The following DLG1 variants were observed in gnomAD, a reference collection of about 807,000 sequenced individuals.
DLG1 encodes disks large homolog 1.
A neutral mutation model predicts 123.4 loss-of-function variants in DLG1; 42 were observed. That is an observed-to-expected ratio of 0.34 (90% confidence interval 0.27 to 0.44). DLG1 has a LOEUF of 0.44. Among genes scored for constraint, DLG1 ranks in the 20% least tolerant of loss-of-function variants. The pLI, the probability that DLG1 is intolerant of heterozygous loss-of-function variation, is 1.00. For missense variants in DLG1, 942 were observed against 1,082.6 expected (o/e 0.87, Z 1.82); for synonymous variants, 317 against 356.2 (o/e 0.89, Z 1.24).
At chr3:197,241,901 A>G (rs1749081860) in intron 4 of DLG1, among the ~76,000 whole-genome samples, 1 of 152,152 alleles carries the variant, frequency 6.6e-6, no homozygotes, top group South Asian at 2.1e-4. Flanking sequence ...TCTTAACCAC[A>G]AGAAAGGAAG....
chr3:197,295,065 G>A (rs1206709751), intron 3 of DLG1, among the ~76,000 whole-genome samples: 3 of 151,976 alleles, frequency 2.0e-5, no homozygotes, highest in Non-Finnish European at 4.4e-5. Flanking sequence ...TCATCCATTC[G>A]GACCTTAAAC....
intron 11 of DLG1, among the ~76,000 whole-genome samples, chr3:197,127,884 T>C (rs968438179): frequency 6.2e-5 from 9 of 146,122 alleles, no homozygotes; most frequent in Admixed American, 1.4e-4. Flanking sequence ...AAATACAATG[T>C]ACAGGCCTTA....
intron 5 of DLG1, among the ~76,000 whole-genome samples, chr3:197,171,005 G>GT (rs1274253734): frequency 5.3e-5 from 8 of 152,110 alleles, no homozygotes; most frequent in South Asian, 2.1e-4. Flanking sequence ...ATCAACTGTC[G>GT]TGTCACTGTG....
At chr3:197,048,335 G>C (rs1724852435) in intron 24 of DLG1, among the ~76,000 whole-genome samples, 1 of 152,172 alleles carries the variant, frequency 6.6e-6, no homozygotes, top group Non-Finnish European at 1.5e-5. Flanking sequence ...GCCGGGTGTG[G>C]TGGCATGTGC....
intron 11 of DLG1, among the ~76,000 whole-genome samples, chr3:197,120,868 C>G (rs780659027): frequency 6.6e-6 from 1 of 152,290 alleles, no homozygotes; most frequent in Non-Finnish European, 1.5e-5. Flanking sequence ...AAAGGACTTT[C>G]TACCAATGGC....
At chr3:197,134,638 A>G (rs374411808) in intron 10 of DLG1, among the ~76,000 whole-genome samples, 1 of 152,196 alleles carries the variant, frequency 6.6e-6, no homozygotes, top group South Asian at 2.1e-4. Flanking sequence ...TGACTATTAT[A>G]CTACTTTCAT....
At chr3:197,117,112 A>G (rs1223530290) in intron 12 of DLG1, among the ~76,000 whole-genome samples, 1 of 152,202 alleles carries the variant, frequency 6.6e-6, no homozygotes, top group Non-Finnish European at 1.5e-5. Context: ...GTCACTAGGG[A>G]AAGAGATATA....
intron 3 of DLG1, among the ~76,000 whole-genome samples, chr3:197,293,725 T>C (rs186368556): frequency 1.2e-4 from 18 of 151,932 alleles, no homozygotes; most frequent in Non-Finnish European, 2.1e-4. Flanking sequence ...CCAAAGACAC[T>C]TGGCACCCCA....
chr3:197,174,783 T>C (rs1044515203), intron 5 of DLG1, among the ~76,000 whole-genome samples: 3 of 152,190 alleles, frequency 2.0e-5, no homozygotes, highest in Non-Finnish European at 2.9e-5. Flanking sequence ...CTCTTGAACG[T>C]GGCTGTTAAA....
intron 4 of DLG1, chr3:197,260,430 G>C (rs1050993235): frequency 8.6e-6 from 2 of 231,454 alleles, no homozygotes; most frequent in African/African-American, 2.3e-5. Context: ...GATCTCTCCA[G>C]GATCCATTCT....
chr3:197,146,743 G>T (rs1457951681), intron 6 of DLG1, among the ~76,000 whole-genome samples: 3 of 152,258 alleles, frequency 2.0e-5, no homozygotes, highest in East Asian at 3.9e-4. Flanking sequence ...CTTAGGCAAA[G>T]ACTTCATGAC....
chr3:197,053,774 T>TAAA (rs35792548), intron 23 of DLG1, among the ~76,000 whole-genome samples: 16,195 of 96,956 alleles, frequency 0.17, 1,377 homozygotes, highest in South Asian at 0.34. Flanking sequence ...CCCTGTCTCA[T>TAAA]AAAAAAAAAA....
intron 13 of DLG1, among the ~76,000 whole-genome samples, chr3:197,109,150 G>C (rs2149346335): frequency 6.6e-6 from 1 of 152,274 alleles, no homozygotes; most frequent in South Asian, 2.1e-4. Flanking sequence ...AGCATCACTT[G>C]AGTACAACAC....
At position 197,094,311 on chromosome 3, in the gene DLG1, T is replaced by C. The variant is rs75946865; in HGVS notation, c.1547-3285A>G. On this transcript the variant is annotated intron_variant, in intron 14 of 24. Coordinates refer to ENST00000667157, the MANE Select transcript of DLG1 (RefSeq NM_001366207.1). ...CTATTAAGCTTGGGGTAGTATCTCA[T>C]GAAGCAACAGTAACTGGAGCACAGT... Among the ~76,000 whole-genome samples, 554 of 152,310 alleles carry C rather than the reference T, an allele frequency of 3.6e-3. 5 individuals are homozygous for C. Among genetic ancestry groups the C allele is most frequent in the Middle Eastern group, 6.8e-3 (2 of 294 alleles).
intron 5 of DLG1, chr3:197,161,845 A>G: frequency 3.0e-6 from 2 of 667,610 alleles, no homozygotes; most frequent in Non-Finnish European, 5.0e-6. Flanking sequence ...AGAAATAACT[A>G]TGCAACAGGA....
At chr3:197,082,717 T>C (rs1578769925) in intron 16 of DLG1, among the ~76,000 whole-genome samples, 1 of 152,180 alleles carries the variant, frequency 6.6e-6, no homozygotes, top group Non-Finnish European at 1.5e-5. Flanking sequence ...CGAAATGGCA[T>C]AATTAGTTGT....
At chr3:197,199,876 G>A (rs935821075) in intron 4 of DLG1, among the ~76,000 whole-genome samples, 23 of 152,140 alleles carry the variant, frequency 1.5e-4, no homozygotes, top group African/African-American at 5.6e-4. Context: ...TACAAAGTGT[G>A]ATGAGGGTTA....
intron 17 of DLG1, among the ~76,000 whole-genome samples, chr3:197,079,597 TTTC>T (rs1749570461): frequency 6.6e-6 from 1 of 152,218 alleles, no homozygotes; most frequent in African/African-American, 2.4e-5. Context: ...GCAACCTCTT[TTTC>T]AATTTATTGA....
intron 1 of DLG1, chr3:197,298,034 G>C: frequency 1.5e-6 from 1 of 653,234 alleles, no homozygotes; most frequent in Non-Finnish European, 1.9e-6. Context: ...CGGCCCGCTC[G>C]CCCAGTTGCT....
Sources: allele counts gnomAD v4.1 joint callset (sites outside exome capture counted in the v4.1 genomes callset), GRCh38; gene constraint gnomAD v4.1.1; transcripts MANE v1.5; gene names NCBI Gene and HGNC (gene_info 2026-07-23, HGNC 2026-07-21).